NEBL: variants seen among roughly 807,000 people sequenced by gnomAD.
The protein encoded by NEBL is nebulette.
Under a neutral mutation model 140.2 loss-of-function variants are expected in NEBL, and 122 were observed. That is an observed-to-expected ratio of 0.87 (90% CI 0.75 to 1.01). The LOEUF is 1.01. Ranked by LOEUF, NEBL falls within the 50% of genes least tolerant of loss-of-function variation. The pLI, the probability that NEBL is intolerant of heterozygous loss-of-function variation, is 0.00. For missense variants in NEBL, 1,365 were observed against 1,231.3 expected (o/e 1.11, Z -1.62); for synonymous variants, 436 against 398.9 (o/e 1.09, Z -1.11).
rs772358606 is a variant in NEBL, at chr10:20,817,600, A to T, written c.2148T>A (p.Asn716Lys). The change falls in exon 21 of 28, where the codon AAT becomes AAA. Residue 716 changes from asparagine to lysine, a missense_variant and splice_region_variant. Transcript: ENST00000377122. ...RAKENQKNIS[N>K]VYYRGQLGRA... ...AAAAAAGTTACTAAGATGATCACAC[A>T]TTGCTGATGTTTTTCTGGTTTTCTT... The T allele has an allele frequency of 2.5e-6, 4 of 1,608,230 alleles. No individual in the cohort carries two copies. Among genetic ancestry groups the T allele is most frequent in the Middle Eastern group, 1.7e-4 (1 of 6,052 alleles).
At chr10:20,878,448 C>T (rs527962097) in intron 5 of NEBL, among the ~76,000 whole-genome samples, 1 of 152,194 alleles carries the variant, frequency 6.6e-6, no homozygotes, top group Admixed American at 6.5e-5. Flanking sequence ...CTAGTAAATT[C>T]TCTGCAATGA....
chr10:21,008,011 A>T (rs1027583110), intron 3 of NEBL, among the ~76,000 whole-genome samples: 4 of 152,212 alleles, frequency 2.6e-5, no homozygotes, highest in African/African-American at 9.6e-5. Flanking sequence ...GAATTAAATC[A>T]TACTTAGCCA....
intron 1 of NEBL, among the ~76,000 whole-genome samples, chr10:21,255,379 G>A (rs1166911897): frequency 6.6e-6 from 1 of 152,086 alleles, no homozygotes; most frequent in Non-Finnish European, 1.5e-5. Flanking sequence ...ATTGCGAGCT[G>A]AGGATCTAAC....
intron 2 of NEBL, among the ~76,000 whole-genome samples, chr10:21,120,171 ACCAG>A (rs1838468365): frequency 6.6e-6 from 1 of 151,382 alleles, no homozygotes; most frequent in Admixed American, 6.6e-5. Context: ...AGAATTCGAA[ACCAG>A]CCTGGCCTGG....
chr10:21,086,894 C>T (rs1162857634), intron 2 of NEBL, among the ~76,000 whole-genome samples: 1 of 152,144 alleles, frequency 6.6e-6, no homozygotes, highest in Admixed American at 6.5e-5. Flanking sequence ...TGACTGCCAC[C>T]CATAGGGAAT....
At chr10:20,875,083 C>A (rs114662789) in intron 5 of NEBL, among the ~76,000 whole-genome samples, 1 of 152,152 alleles carries the variant, frequency 6.6e-6, no homozygotes, top group Non-Finnish European at 1.5e-5. Flanking sequence ...TTGCTTCCAA[C>A]GAATATTTGA....
intron 12 of NEBL, among the ~76,000 whole-genome samples, chr10:20,844,599 C>T (rs1214111840): frequency 4.7e-5 from 7 of 150,414 alleles, no homozygotes; most frequent in Non-Finnish European, 4.4e-5. Context: ...TAATATATTA[C>T]TTGTGAGCAA....
At chr10:21,216,909 AC>A (rs1283401617) in intron 3 of NEBL, among the ~76,000 whole-genome samples, 1 of 152,020 alleles carries the variant, frequency 6.6e-6, no homozygotes, top group Non-Finnish European at 1.5e-5. Flanking sequence ...AATCGCTTGA[AC>A]CCAGAAGGTG....
intron 4 of NEBL, among the ~76,000 whole-genome samples, chr10:20,940,173 A>C (rs971957467): frequency 3.3e-5 from 5 of 152,198 alleles, no homozygotes; most frequent in African/African-American, 1.2e-4. Context: ...AAAATTGACC[A>C]CATAGTTGGA....
At chr10:21,227,705 TTCTTCTTTCTTC>T (rs1412249342) in intron 3 of NEBL, among the ~76,000 whole-genome samples, 164 of 72,372 alleles carry the variant, frequency 2.3e-3, no homozygotes, top group South Asian at 3.9e-3. Context: ...CTTCTTCTTC[TTCTTCTTTCTTC>T]TTCTTCTTCT....
intron 2 of NEBL, among the ~76,000 whole-genome samples, chr10:21,104,617 A>ATT (rs373787064): frequency 6.6e-6 from 1 of 151,388 alleles, no homozygotes; most frequent in Admixed American, 6.6e-5. Context: ...AGTTCAGTTG[A>ATT]TTTTTTTTTC....
intron 2 of NEBL, among the ~76,000 whole-genome samples, chr10:21,153,856 G>A (rs1453382803): frequency 6.6e-6 from 1 of 151,982 alleles, no homozygotes; most frequent in Non-Finnish European, 1.5e-5. Flanking sequence ...GGAAATAAAC[G>A]TAAGTCTTTA....
At chr10:21,074,658 TCA>T (rs1250828962) in intron 2 of NEBL, among the ~76,000 whole-genome samples, 1 of 151,976 alleles carries the variant, frequency 6.6e-6, no homozygotes, top group Non-Finnish European at 1.5e-5. Context: ...TTTTGTACTT[TCA>T]GTAGAGACGG....
chr10:20,954,478 T>A lies in NEBL; in HGVS notation c.357+7194A>T, dbSNP rs76725479. On this transcript the variant is annotated intron_variant, in intron 4 of 6. Coordinates refer to the NEBL transcript ENST00000417816. The stretch of plus-strand genomic sequence containing the variant: ...GACTGTCAGAGCAGCTAGGGAAAGA[T>A]GGTGTTGCAGGACTTTTCCTTAGTT... 8.0e-3 allele frequency among the ~76,000 whole-genome samples: 1,224 copies of A among 152,258 alleles called. 18 individuals are homozygous for A. The highest frequency in any genetic ancestry group is 0.057 in the East Asian group (297 of 5,172).
chr10:20,929,190 T>C (rs1216164115), intron 4 of NEBL, among the ~76,000 whole-genome samples: 1 of 152,020 alleles, frequency 6.6e-6, no homozygotes. Flanking sequence ...CTATTCGCAA[T>C]AGCAAAAATA....
At chr10:21,233,210 G>A (rs11596900) in intron 3 of NEBL, among the ~76,000 whole-genome samples, 6,141 of 152,128 alleles carry the variant, frequency 0.04, 193 homozygotes, top group South Asian at 0.14. Context: ...ACAGGCACTC[G>A]CTAAATTTTG....
intron 26 of NEBL, among the ~76,000 whole-genome samples, chr10:20,803,460 T>C (rs1233878936): frequency 1.3e-5 from 2 of 152,180 alleles, no homozygotes; most frequent in South Asian, 2.1e-4. Context: ...ACTCAGAAGA[T>C]GATCTTGAAC....
chr10:21,121,200 G>A (rs1459357204), intron 2 of NEBL, among the ~76,000 whole-genome samples: 1 of 152,072 alleles, frequency 6.6e-6, no homozygotes, highest in African/African-American at 2.4e-5. Flanking sequence ...AGAAGGAAAT[G>A]GTATTTCTTT....
Position 20,869,736 on chromosome 10 carries a change from T to C in NEBL, c.582+4A>G. 1 of 1,592,212 alleles carries C rather than the reference T, an allele frequency of 6.3e-7. No individual in the cohort carries two copies. Among genetic ancestry groups the C allele is most frequent in the Non-Finnish European group, 8.6e-7 (1 of 1,160,174 alleles). ...TCCGTTCAAGGTTTAGAAAGAGAAG[T>C]TACATTGCTTATGATCTTAGAGATC... On this transcript the variant is annotated splice_donor_region_variant and intron_variant, in intron 6 of 27. Transcript: ENST00000377122.
Sources: gnomAD v4.1 joint callset for allele counts (sites outside exome capture counted in the v4.1 genomes callset) on GRCh38, gnomAD v4.1.1 for gene constraint, MANE v1.5 for transcripts, NCBI Gene and HGNC (gene_info 2026-07-23, HGNC 2026-07-21) for gene names.